The following FRMPD1 variants were observed in gnomAD, a reference collection of about 807,000 sequenced individuals.
FRMPD1 encodes the protein FERM and PDZ domain containing 1, also known as FERM and PDZ domain-containing protein 1.
FRMPD1 carries 76 observed loss-of-function variants against 117.8 expected under a neutral mutation model. The observed-to-expected ratio is 0.65, with a 90% CI of 0.54 to 0.78. FRMPD1 has a LOEUF of 0.78. Ranked by LOEUF, FRMPD1 falls within the 30% of genes least tolerant of loss-of-function variation. The probability of loss-of-function intolerance (pLI) is 0.00; values close to 1 mark genes in which losing one functional copy is unlikely to be tolerated. For missense variants in FRMPD1, 1,786 were observed against 1,964.5 expected (o/e 0.91, Z 1.72); for synonymous variants, 783 against 770.4 (o/e 1.02, Z -0.27).
At chr9:37,666,807 G>A (rs1276061415) in intron 1 of FRMPD1, among the ~76,000 whole-genome samples, 1 of 152,082 alleles carries the variant, frequency 6.6e-6, no homozygotes, top group Non-Finnish European at 1.5e-5. Flanking sequence ...GGAATGAAAC[G>A]GGCATAATTT....
At chr9:37,695,282 T>G (rs780643258) in intron 2 of FRMPD1, among the ~76,000 whole-genome samples, 16 of 152,224 alleles carry the variant, frequency 1.1e-4, no homozygotes, top group Admixed American at 2.6e-4. Context: ...CAGCAGTATG[T>G]GAGAGTTTCA....
intron 12 of FRMPD1, among the ~76,000 whole-genome samples, chr9:37,734,867 C>G (rs992307644): frequency 6.6e-6 from 1 of 152,152 alleles, no homozygotes; most frequent in Admixed American, 6.5e-5. Context: ...CCCAATTTTT[C>G]TAAGGGCTAA....
At chr9:37,607,686 A>C in the FRMPD1 span, among the ~76,000 whole-genome samples, 1 of 152,232 alleles carries the variant, frequency 6.6e-6, no homozygotes, top group Non-Finnish European at 1.5e-5. Context: ...ATAGGTAGTT[A>C]TTGAGCATCA....
intron 1 of FRMPD1, among the ~76,000 whole-genome samples, chr9:37,691,336 T>G (rs1229213734): frequency 3.3e-5 from 5 of 152,168 alleles, no homozygotes; most frequent in African/African-American, 1.2e-4. Flanking sequence ...CTGTACTTAC[T>G]GCCCCTAATT....
At chr9:37,707,359 C>T (rs1388328246) in intron 2 of FRMPD1, 57 bp from the exon 3 acceptor site, 35 of 1,480,842 alleles carry the variant, frequency 2.4e-5, no homozygotes, top group African/African-American at 5.5e-5. Context: ...TGACCCAGTT[C>T]GTGACCAACA....
At chr9:37,698,543 CATT>C (rs1332717379) in intron 2 of FRMPD1, among the ~76,000 whole-genome samples, 10 of 128,880 alleles carry the variant, frequency 7.8e-5, no homozygotes, top group Admixed American at 1.6e-4. Context: ...TTATGCATCT[CATT>C]ATCTTTTTTT....
Position 37,737,012 on chromosome 9 carries a change from C to T in FRMPD1, c.1402-84C>T, listed in dbSNP as rs538474391. On this transcript the variant is annotated intron_variant, in intron 13 of 15. Coordinates refer to ENST00000377765, the MANE Select transcript of FRMPD1 (RefSeq NM_014907.3). ...ATGGCCGGATTTACCTGGAATCTCT[C>T]GTTGGTCCCACATGGCTTTGTTGTC... is the stretch of plus-strand genomic sequence containing the variant. 83 of 1,031,148 alleles carry T rather than the reference C, an allele frequency of 8.0e-5. 3 individuals carry two copies. The Middle Eastern group carries it at 6.3e-3, about 79-fold the overall frequency. 63.9% of individuals were successfully genotyped at this position (1,031,148 alleles called of 1,614,324 possible).
At chr9:37,739,852 C>G (rs1336967862) in intron 14 of FRMPD1, among the ~76,000 whole-genome samples, 1 of 152,070 alleles carries the variant, frequency 6.6e-6, no homozygotes, top group Non-Finnish European at 1.5e-5. Context: ...AATCCAGCCT[C>G]CTTTAGCTCA....
At chr9:37,631,023 A>G in the FRMPD1 span, among the ~76,000 whole-genome samples, 8 of 152,186 alleles carry the variant, frequency 5.3e-5, no homozygotes, top group African/African-American at 1.9e-4. Flanking sequence ...AAGTGCTGTC[A>G]TAGAGGTAAA....
rs1387426085 is a variant in FRMPD1, at chr9:37,745,078, T to A, written c.3046T>A (p.Ser1016Thr). 1 of 1,614,058 alleles carries A rather than the reference T, an allele frequency of 6.2e-7. No homozygotes were observed. Residue 1016 changes from serine (S) to threonine (T), a missense_variant, in exon 16 of 16, where the codon TCC becomes ACC. By Grantham distance (58) the Ser-to-Thr change is moderately conservative (BLOSUM62 1). Transcript: ENST00000377765. ...GCATGGAGACAGCTCCTTCTCCCTC[T>A]CCAGTGGTGACCCTAACCCAGACAG... is the stretch of plus-strand genomic sequence containing the variant. ...IEHGDSSFSL[S>T]SGDPNPDRAC...
chr9:37,631,187 G>A, the FRMPD1 span, among the ~76,000 whole-genome samples: 1 of 152,126 alleles, frequency 6.6e-6, no homozygotes, highest in Non-Finnish European at 1.5e-5. Flanking sequence ...GCACTTCGAT[G>A]TTGAAAAAAT....
At chr9:37,701,186 G>T (rs1356048678) in intron 2 of FRMPD1, among the ~76,000 whole-genome samples, 1 of 152,196 alleles carries the variant, frequency 6.6e-6, no homozygotes, top group Non-Finnish European at 1.5e-5. Flanking sequence ...AGATAACGGA[G>T]CCTGCCCATT....
At chr9:37,637,285 G>C in the FRMPD1 span, 24 of 1,543,700 alleles carry the variant, frequency 1.6e-5, no homozygotes, top group Admixed American at 3.3e-5. Flanking sequence ...AGTCATATCC[G>C]GGGTTCATGG....
At chr9:37,632,702 C>A in the FRMPD1 span, among the ~76,000 whole-genome samples, 1 of 152,104 alleles carries the variant, frequency 6.6e-6, no homozygotes, top group African/African-American at 2.4e-5. Context: ...CACATGCCAT[C>A]CTTGAACCAA....
At chr9:37,727,951 A>G (rs569661089) in intron 7 of FRMPD1, 1 of 152,364 alleles carries the variant, frequency 6.6e-6, no homozygotes, top group South Asian at 2.1e-4. Flanking sequence ...GTGTGCATCT[A>G]TTATGTGCCA....
At chr9:37,729,498 G>C (rs550981895) in intron 7 of FRMPD1, among the ~76,000 whole-genome samples, 1 of 150,544 alleles carries the variant, frequency 6.6e-6, no homozygotes, top group South Asian at 2.2e-4. Context: ...AGCCTTCCAA[G>C]TAAAGCAAGA....
chr9:37,611,416 G>A, the FRMPD1 span, among the ~76,000 whole-genome samples: 1 of 152,154 alleles, frequency 6.6e-6, no homozygotes, highest in Non-Finnish European at 1.5e-5. Flanking sequence ...CTTGCAGGAA[G>A]CCTTACTCTT....
At chr9:37,634,436 CA>C in the FRMPD1 span, among the ~76,000 whole-genome samples, 36 of 152,094 alleles carry the variant, frequency 2.4e-4, no homozygotes, top group African/African-American at 8.5e-4. Flanking sequence ...TGAAGTGTTC[CA>C]AAATATATGT....
chr9:37,741,824 T>G (rs1011342075), intron 15 of FRMPD1, among the ~76,000 whole-genome samples: 11 of 152,176 alleles, frequency 7.2e-5, no homozygotes, highest in African/African-American at 2.7e-4. Context: ...CTGCTCTTTC[T>G]GACCGAAACA....
Sources: gnomAD v4.1 joint callset for allele counts (sites outside exome capture counted in the v4.1 genomes callset) on GRCh38, gnomAD v4.1.1 for gene constraint, MANE v1.5 for transcripts, NCBI Gene and HGNC (gene_info 2026-07-23, HGNC 2026-07-21) for gene names.